TMEM132D: variants seen among roughly 807,000 people sequenced by gnomAD.
The protein encoded by TMEM132D is transmembrane protein 132D.
In TMEM132D, 21 loss-of-function variants were observed where a neutral mutation model predicts 62.3. That is an observed-to-expected ratio of 0.34 (90% CI 0.24 to 0.49). The LOEUF is 0.49. Among genes scored for constraint, TMEM132D ranks in the 20% least tolerant of loss-of-function variants. The pLI, the probability that TMEM132D is intolerant of heterozygous loss-of-function variation, is 0.99. For missense variants in TMEM132D, 1,346 were observed against 1,402.8 expected (o/e 0.96, Z 0.65); for synonymous variants, 621 against 575.6 (o/e 1.08, Z -1.13).
At chr12:129,720,185 G>A (rs1868769409) in intron 1 of TMEM132D, among the ~76,000 whole-genome samples, 1 of 152,116 alleles carries the variant, frequency 6.6e-6, no homozygotes, top group Non-Finnish European at 1.5e-5. Context: ...TTACAACAAA[G>A]TTCTAAACTC....
At chr12:129,413,360 C>A (rs774239606) in intron 3 of TMEM132D, among the ~76,000 whole-genome samples, 1 of 152,184 alleles carries the variant, frequency 6.6e-6, no homozygotes, top group African/African-American at 2.4e-5. Flanking sequence ...GTAAGACATG[C>A]CTTTTGCCTT....
At chr12:129,143,027 C>T (rs759873858) in intron 5 of TMEM132D, among the ~76,000 whole-genome samples, 1 of 152,028 alleles carries the variant, frequency 6.6e-6, no homozygotes, top group African/African-American at 2.4e-5. Flanking sequence ...TTCCCACCCC[C>T]CAAGCAGCAG....
intron 5 of TMEM132D, among the ~76,000 whole-genome samples, chr12:129,139,747 A>G (rs548501032): frequency 4.7e-4 from 71 of 152,346 alleles, no homozygotes; most frequent in African/African-American, 1.6e-3. Context: ...GCAAGAGTGC[A>G]GTAGTGTGAT....
rs139473478 is a variant in TMEM132D at position 129,791,799 on chromosome 12, C to CA, written c.80-91102dup. ...CTACTGATTCTTTGAATGTTGGCTG[C>CA]AAAAAATCAATTTGAAAAGCAAATA... On this transcript the variant is annotated intron_variant, in intron 1 of 8. Transcript: ENST00000422113. Among the ~76,000 whole-genome samples the CA allele has an allele frequency of 1.8e-3, 274 of 152,150 alleles. 7 individuals are homozygous for CA. In the East Asian group the frequency reaches 0.044, roughly 24 times the overall value.
chr12:129,759,735 A>T (rs142057717), intron 1 of TMEM132D, among the ~76,000 whole-genome samples: 1 of 152,250 alleles, frequency 6.6e-6, no homozygotes. Flanking sequence ...TGATGTATAC[A>T]GCTGTGTTAC....
At chr12:129,630,600 C>T (rs569868193) in intron 2 of TMEM132D, among the ~76,000 whole-genome samples, 6 of 152,204 alleles carry the variant, frequency 3.9e-5, no homozygotes, top group Admixed American at 2.0e-4. Flanking sequence ...GCCATGATAT[C>T]TGTTATTCAA....
chr12:129,903,492 C>T lies in TMEM132D; in HGVS notation c.-153G>A, dbSNP rs1875441362. ...GCCCGGGCGCCCTGCTCCCTCTTCCCGCCAGTCCATGGCCAGGCCGGGAGG... is the reference window on the plus strand; with the variant it reads ...GCCCGGGCGCCCTGCTCCCTCTTCCTGCCAGTCCATGGCCAGGCCGGGAGG... On this transcript the variant is annotated 5_prime_UTR_variant, in exon 1 of 9. Transcript: ENST00000422113. This position sits in a 1 kb window ranked among gnomAD's most constrained non-coding sequence, Gnocchi z 6.2. The T allele has an allele frequency of 2.1e-5, 15 of 728,522 alleles. No individual in the cohort carries two copies. The South Asian group carries it at 2.4e-4, about 12-fold the overall frequency. 45.1% of individuals were successfully genotyped at this position (728,522 alleles called of 1,614,324 possible). A position where few individuals can be genotyped will look rare whatever the true frequency, so the allele number is the denominator to read the frequency against.
intron 4 of TMEM132D, among the ~76,000 whole-genome samples, chr12:129,266,230 T>C (rs754697329): frequency 7.2e-5 from 11 of 152,132 alleles, no homozygotes; most frequent in Non-Finnish European, 1.5e-4. Context: ...GCTTAGCTAA[T>C]GGATGTCCTA....
chr12:129,426,229 G>C (rs916664653), intron 3 of TMEM132D, among the ~76,000 whole-genome samples: 15 of 152,060 alleles, frequency 9.9e-5, no homozygotes, highest in African/African-American at 3.6e-4. Context: ...TTATGAGATG[G>C]CTACACCATC....
At position 129,720,830 on chromosome 12, in the gene TMEM132D, T is replaced by C. The variant is rs188396970; in HGVS notation, c.80-20132A>G. ...ATAATCAATAATCATTAATCACCTA[T>C]AAATCAATAATCAACTCATCTAACA... On this transcript the variant is annotated intron_variant, in intron 1 of 8. Coordinates refer to ENST00000422113, the MANE Select transcript of TMEM132D (RefSeq NM_133448.3). 2.9e-3 allele frequency among the ~76,000 whole-genome samples: 444 copies of C among 152,358 alleles called. 1 individual carries two copies. The highest frequency in any genetic ancestry group is 0.02 in the Middle Eastern group (6 of 294).
At chr12:129,564,042 G>A (rs772274678) in intron 2 of TMEM132D, among the ~76,000 whole-genome samples, 11 of 152,150 alleles carry the variant, frequency 7.2e-5, no homozygotes, top group African/African-American at 1.4e-4. Context: ...AATATTTCAG[G>A]TATAACTAAG....
chr12:129,423,643 C>T (rs539255087), intron 3 of TMEM132D, among the ~76,000 whole-genome samples: 14 of 152,106 alleles, frequency 9.2e-5, no homozygotes, highest in East Asian at 5.8e-4. Context: ...CATTCTATGA[C>T]GGGAAAGGGA....
chr12:129,700,220 C>A lies in TMEM132D; in HGVS notation c.558G>T (p.Gln186His), dbSNP rs1881351031. The A allele has an allele frequency of 6.2e-7, 1 of 1,612,922 alleles. No individual in the cohort carries two copies. Among genetic ancestry groups the A allele is most frequent in the Non-Finnish European group, 8.5e-7 (1 of 1,179,942 alleles). The change falls in exon 2 of 9, where the codon CAG becomes CAT. Residue 186 changes from glutamine (Q) to histidine (H), a missense_variant. Gln to His is a conservative substitution (Grantham distance 24). Coordinates refer to ENST00000422113, the MANE Select transcript of TMEM132D (RefSeq NM_133448.3). ...CGGCCACGCACAGCCCCAGGTCCCC[C>A]TGCAGCCGGCAGCTGCCCCGCACCT... ...TREVRGSCRL[Q>H]GDLGLCVAEL...
In TMEM132D at chr12:129,896,448, T is replaced by C. The variant is rs1286851667; in HGVS notation, c.79+6813A>G. On this transcript the variant is annotated intron_variant, in intron 1 of 8. Transcript: ENST00000422113. ...AAAATACTTTATTGCCACAATATCC[T>C]GCCAAACACTCTTTGAGTCTCGGCA... Among the ~76,000 whole-genome samples the C allele has an allele frequency of 2.0e-5, 3 of 152,206 alleles. No homozygotes were observed. In the East Asian group the frequency reaches 5.8e-4, roughly 29 times the overall value.
chr12:129,388,971 ACT>A (rs1566053753), intron 3 of TMEM132D, among the ~76,000 whole-genome samples: 3 of 134,008 alleles, frequency 2.2e-5, no homozygotes, highest in African/African-American at 5.3e-5. Context: ...TAACACCAAC[ACT>A]CATCCTAATA....
intron 4 of TMEM132D, among the ~76,000 whole-genome samples, chr12:129,331,338 G>A (rs1354593780): frequency 1.3e-5 from 2 of 152,112 alleles, no homozygotes; most frequent in African/African-American, 2.4e-5. Flanking sequence ...CATTGTGAAC[G>A]CCACGTAACA....
chr12:129,708,781 C>T (rs1167064299), intron 1 of TMEM132D, among the ~76,000 whole-genome samples: 2 of 151,994 alleles, frequency 1.3e-5, no homozygotes, highest in Admixed American at 1.3e-4. Flanking sequence ...ACACCATGTA[C>T]TTTATTTGCT....
chr12:129,215,407 A>G (rs1056741361), intron 4 of TMEM132D, among the ~76,000 whole-genome samples: 1 of 152,136 alleles, frequency 6.6e-6, no homozygotes, highest in African/African-American at 2.4e-5. Flanking sequence ...GTGGGGAAAT[A>G]ATTGGTACAA....
chr12:129,553,450 C>T (rs963051087), intron 2 of TMEM132D, among the ~76,000 whole-genome samples: 5 of 152,184 alleles, frequency 3.3e-5, no homozygotes, highest in Admixed American at 1.3e-4. Context: ...GAAACTACCA[C>T]GTTGTCACTT....
Sources: gnomAD v4.1 joint callset for allele counts (sites outside exome capture counted in the v4.1 genomes callset) on GRCh38, gnomAD v4.1.1 for gene constraint, Gnocchi (gnomAD v3.1) non-coding constraint, MANE v1.5 for transcripts, NCBI Gene and HGNC (gene_info 2026-07-23, HGNC 2026-07-21) for gene names.